Variants in IL18 observed in about 807,000 individuals in gnomAD.
The protein encoded by IL18 is interleukin-18.
In IL18, 8 loss-of-function variants were observed where a neutral mutation model predicts 14.2. The ratio of observed to expected loss-of-function variants is 0.56; its 90% CI spans 0.33 to 1.01. IL18 has a LOEUF of 1.01. IL18 is among the 50% of genes least tolerant of loss of function. The probability of loss-of-function intolerance (pLI) is 0.03; values close to 1 mark genes in which losing one functional copy is unlikely to be tolerated. For missense variants in IL18, 166 were observed against 231.1 expected (o/e 0.72, Z 1.83); for synonymous variants, 67 against 71.0 (o/e 0.94, Z 0.28).
At chr11:112,156,123 A>G (rs769222710) in intron 1 of IL18, among the ~76,000 whole-genome samples, 1 of 152,212 alleles carries the variant, frequency 6.6e-6, no homozygotes, top group Non-Finnish European at 1.5e-5. Context: ...TAAAAATTAA[A>G]TGGTATGCAG....
At chr11:112,153,571 A>C in intron 3 of IL18, 21 bp downstream of exon 3, 1 of 1,528,004 alleles carries the variant, frequency 6.5e-7, no homozygotes, top group South Asian at 1.2e-5. Context: ...GCAAAGAAAA[A>C]TAAATTCATT....
intron 1 of IL18, among the ~76,000 whole-genome samples, chr11:112,158,521 G>GTTTTTTTTTTTTTTTT (rs71060226): frequency 1.5e-4 from 16 of 104,988 alleles, no homozygotes; most frequent in East Asian, 7.7e-4. Flanking sequence ...TTTATTTGGA[G>GTTTTTTTTTTTTTTTT]TTTTTTTTTT....
At chr11:112,159,942 G>A (rs1866601640) in intron 1 of IL18, among the ~76,000 whole-genome samples, 1 of 152,070 alleles carries the variant, frequency 6.6e-6, no homozygotes, top group Admixed American at 6.6e-5. Context: ...TGGTGGTGGG[G>A]GGAGAGTTAT....
intron 3 of IL18, 50 bp from the exon 4 acceptor site, chr11:112,150,256 T>C: frequency 7.9e-7 from 1 of 1,260,950 alleles, no homozygotes; most frequent in Non-Finnish European, 1.1e-6. Context: ...TCTTTGTTAA[T>C]TGACAAATAA....
intron 3 of IL18, chr11:112,150,621 ATATTAAATCCCTAACT>A (rs1256806155): frequency 6.4e-6 from 1 of 155,726 alleles, no homozygotes; most frequent in Non-Finnish European, 1.4e-5. Flanking sequence ...TTTTGCCAGG[ATATTAAATCCCTAACT>A]TATTTGTCTT....
chr11:112,145,701 T>G (rs1364838684), intron 5 of IL18, among the ~76,000 whole-genome samples: 1 of 151,116 alleles, frequency 6.6e-6, no homozygotes, highest in Non-Finnish European at 1.5e-5. Context: ...ATCGTGCCAC[T>G]GCACTCTAGC....
intron 1 of IL18, among the ~76,000 whole-genome samples, chr11:112,156,402 C>T (rs973826158): frequency 5.9e-5 from 9 of 151,916 alleles, no homozygotes; most frequent in Non-Finnish European, 1.3e-4. Context: ...CATCTAAGTG[C>T]GAACAGTTAT....
chr11:112,152,213 T>C (rs1866452941), intron 3 of IL18, among the ~76,000 whole-genome samples: 1 of 152,216 alleles, frequency 6.6e-6, no homozygotes, highest in South Asian at 2.1e-4. Context: ...ATGGTACAAA[T>C]TGCCTAAGTG....
In IL18 at chr11:112,148,624, C is replaced by T. The variant is rs1490382286; in HGVS notation, c.339G>A (p.Glu113=). ...KCEKISTLSC[E]NKIISFKEMN... is the part of the protein sequence containing the mutation. Reference sequence around the variant, plus strand: ...TTACCTTAAAGGAAATAATTTTGTTCTCACAGGAGAGAGTTGAAATTTTCT... The same window carrying T: ...TTACCTTAAAGGAAATAATTTTGTTTTCACAGGAGAGAGTTGAAATTTTCT... Residue 113 remains glutamate, a synonymous_variant, in exon 5 of 6, where the codon GAG becomes GAA. Transcript: ENST00000280357. 1.5e-5 allele frequency: 23 copies of T among 1,507,302 alleles called. No homozygotes were observed. Among genetic ancestry groups the T allele is most frequent in the Middle Eastern group, 1.7e-4 (1 of 5,922 alleles). The allele number at this position is 1,507,302 out of a possible 1,614,324, so 93.4% of individuals were successfully genotyped here.
intron 3 of IL18, 69 bp from the exon 4 acceptor site, chr11:112,150,275 T>C (rs1387544005): frequency 1.9e-6 from 2 of 1,065,652 alleles, no homozygotes; most frequent in Admixed American, 2.3e-5. Flanking sequence ...AAGTATGCTA[T>C]ATATTTTAGT....
intron 3 of IL18, among the ~76,000 whole-genome samples, chr11:112,151,231 C>T (rs374075146): frequency 3.3e-5 from 5 of 152,210 alleles, no homozygotes; most frequent in Non-Finnish European, 4.4e-5. Context: ...ATATCATGAA[C>T]TTAATATAAC....
chr11:112,155,297 G>C (rs1866513620), intron 1 of IL18, among the ~76,000 whole-genome samples: 1 of 152,004 alleles, frequency 6.6e-6, no homozygotes. Context: ...TATTATAAAG[G>C]GTAGATAAAT....
chr11:112,149,720 T>C (rs1866406244), intron 4 of IL18, among the ~76,000 whole-genome samples: 1 of 151,952 alleles, frequency 6.6e-6, no homozygotes. Flanking sequence ...TAGCTAGGAT[T>C]ACAGATAGAT....
At chr11:112,155,111 A>G (rs533003344) in intron 1 of IL18, 50 bp from the exon 2 acceptor site, 3 of 1,134,144 alleles carry the variant, frequency 2.6e-6, no homozygotes, top group Non-Finnish European at 4.0e-6. Flanking sequence ...TGTACCTTTT[A>G]CTACTACTTT....
At chr11:112,162,128 G>A (rs187860172) in intron 1 of IL18, among the ~76,000 whole-genome samples, 11 of 152,200 alleles carry the variant, frequency 7.2e-5, no homozygotes, top group Admixed American at 7.2e-4. Flanking sequence ...TTAAGTTTTT[G>A]TTTTTGAGTC....
At chr11:112,150,010 C>T in intron 4 of IL18, 62 bp downstream of exon 4, 1 of 1,373,434 alleles carries the variant, frequency 7.3e-7, no homozygotes, top group Non-Finnish European at 1.0e-6. Flanking sequence ...ACAATGTAAG[C>T]AGTAAAACAG....
intron 5 of IL18, among the ~76,000 whole-genome samples, chr11:112,145,555 C>T (rs1392736159): frequency 1.3e-5 from 2 of 151,902 alleles, no homozygotes; most frequent in African/African-American, 2.4e-5. Flanking sequence ...CTGGCTAACA[C>T]GGTGAAACCC....
At chr11:112,143,920 G>A in intron 5 of IL18, 103 bp from the exon 6 acceptor site, 1 of 745,466 alleles carries the variant, frequency 1.3e-6, no homozygotes, top group South Asian at 1.9e-5. Flanking sequence ...AAGTAGTTTT[G>A]CTTCTCAAGA....
At chr11:112,157,140 GACTGCATTA>G (rs1335023398) in intron 1 of IL18, among the ~76,000 whole-genome samples, 1 of 152,160 alleles carries the variant, frequency 6.6e-6, no homozygotes, top group African/African-American at 2.4e-5. Context: ...GTTTGTTAAT[GACTGCATTA>G]ACTGAGAAGG....
Sources: allele counts gnomAD v4.1 joint callset (sites outside exome capture counted in the v4.1 genomes callset), GRCh38; gene constraint gnomAD v4.1.1; transcripts MANE v1.5; gene names NCBI Gene and HGNC (gene_info 2026-07-23, HGNC 2026-07-21).